The following PIK3C2G variants were observed in gnomAD, a reference collection of about 807,000 sequenced individuals.
PIK3C2G encodes the protein phosphatidylinositol 3-kinase C2 domain-containing subunit gamma.
A neutral mutation model predicts 181.1 loss-of-function variants in PIK3C2G; 168 were observed. That is an observed-to-expected ratio of 0.93 (90% confidence interval 0.82 to 1.05). The LOEUF is 1.05. Among genes scored for constraint, PIK3C2G ranks in the 50% least tolerant of loss-of-function variants. PIK3C2G has a pLI of 0.00. For synonymous variants in PIK3C2G, 573 were observed against 592.2 expected (o/e 0.97, Z 0.47); for missense variants, 1,869 against 1,732.8 (o/e 1.08, Z -1.40).
At chr12:18,723,475 G>A in the PIK3C2G span, 42 of 1,612,722 alleles carry the variant, frequency 2.6e-5, no homozygotes, top group African/African-American at 5.3e-5. Flanking sequence ...TTCTCTGTGC[G>A]TGATAATTCG....
chr12:18,580,707 T>C (rs1008809482), intron 29 of PIK3C2G, among the ~76,000 whole-genome samples: 1 of 152,324 alleles, frequency 6.6e-6, no homozygotes, highest in Middle Eastern at 3.4e-3. Flanking sequence ...ATGAATATAG[T>C]GGGTGGAACT....
chr12:18,305,505 A>G (rs10841014), intron 5 of PIK3C2G, among the ~76,000 whole-genome samples: 80,462 of 151,870 alleles, frequency 0.53, 21,685 homozygotes, highest in East Asian at 0.75. Flanking sequence ...CAGCTGTCAC[A>G]TTATTTTTGT....
At chr12:18,501,304 G>A (rs973506977) in intron 22 of PIK3C2G, among the ~76,000 whole-genome samples, 26 of 152,050 alleles carry the variant, frequency 1.7e-4, no homozygotes, top group Admixed American at 6.5e-4. Context: ...TTTTCACAAG[G>A]TGGCAGGAAA....
chr12:18,628,230 ATTATTG>A (rs1333628101), intron 31 of PIK3C2G, among the ~76,000 whole-genome samples: 1 of 152,192 alleles, frequency 6.6e-6, no homozygotes, highest in Non-Finnish European at 1.5e-5. Context: ...AATAGCTATT[ATTATTG>A]TTATTATTAC....
intron 15 of PIK3C2G, among the ~76,000 whole-genome samples, chr12:18,396,407 T>C (rs371236906): frequency 6.6e-6 from 1 of 151,710 alleles, no homozygotes; most frequent in East Asian, 1.9e-4. Flanking sequence ...GTTAGTATCA[T>C]GTTAAATCAT....
At chr12:18,524,655 T>G (rs1244536628) in intron 24 of PIK3C2G, among the ~76,000 whole-genome samples, 1 of 151,186 alleles carries the variant, frequency 6.6e-6, no homozygotes, top group East Asian at 2.0e-4. Flanking sequence ...AACCTCCGCC[T>G]CCCAGGTTCA....
At chr12:18,387,513 A>G (rs1943251652) in intron 14 of PIK3C2G, among the ~76,000 whole-genome samples, 1 of 152,132 alleles carries the variant, frequency 6.6e-6, no homozygotes, top group African/African-American at 2.4e-5. Flanking sequence ...TTCCCTGTCT[A>G]TAATGTGCCC....
At chr12:18,569,124 G>A (rs879589137) in intron 29 of PIK3C2G, among the ~76,000 whole-genome samples, 1 of 152,028 alleles carries the variant, frequency 6.6e-6, no homozygotes, top group African/African-American at 2.4e-5. Context: ...GACCCTTTAT[G>A]ACTTCCAAGA....
chr12:18,299,787 T>C (rs919480637), intron 5 of PIK3C2G, among the ~76,000 whole-genome samples: 4 of 152,038 alleles, frequency 2.6e-5, no homozygotes, highest in African/African-American at 7.2e-5. Context: ...CCTATTGAGA[T>C]GAGCATTTGG....
chr12:18,719,287 T>C, the PIK3C2G span: 11 of 448,190 alleles, frequency 2.5e-5, no homozygotes, highest in African/African-American at 2.2e-4. Flanking sequence ...TCAAGATATG[T>C]ACAAGTAAAA....
intron 1 of PIK3C2G, among the ~76,000 whole-genome samples, chr12:18,274,701 C>T (rs923728388): frequency 1.3e-5 from 2 of 151,956 alleles, no homozygotes; most frequent in Non-Finnish European, 2.9e-5. Flanking sequence ...ACACCTAATG[C>T]TAAATGATGA....
At chr12:18,662,072 T>C in the PIK3C2G span, among the ~76,000 whole-genome samples, 1 of 152,132 alleles carries the variant, frequency 6.6e-6, no homozygotes, top group East Asian at 1.9e-4. Context: ...AGGAACTAAA[T>C]CTTGAGTACA....
the PIK3C2G span, chr12:18,684,167 A>T: frequency 6.2e-7 from 1 of 1,612,162 alleles, no homozygotes; most frequent in Non-Finnish European, 8.5e-7. Flanking sequence ...TATATTGCCC[A>T]AGAAATTCAT....
At chr12:18,347,207 G>A (rs1285362794) in intron 11 of PIK3C2G, among the ~76,000 whole-genome samples, 1 of 150,724 alleles carries the variant, frequency 6.6e-6, no homozygotes, top group African/African-American at 2.4e-5. Context: ...CAGAGAGATA[G>A]AGAGTCTTTA....
At chr12:18,538,406 A>G (rs1943975157) in intron 25 of PIK3C2G, 94 bp downstream of exon 25, 1 of 1,050,598 alleles carries the variant, frequency 9.5e-7, no homozygotes, top group Non-Finnish European at 1.4e-6. Context: ...GAGTTCCCCA[A>G]GGAGCTATTC....
chr12:18,659,589 C>A, the PIK3C2G span, among the ~76,000 whole-genome samples: 1 of 151,718 alleles, frequency 6.6e-6, no homozygotes, highest in Non-Finnish European at 1.5e-5. Context: ...GAAAGGATAT[C>A]CACATTAGAA....
chr12:18,264,085 T>C (rs987194445), intron 1 of PIK3C2G, among the ~76,000 whole-genome samples: 9 of 152,148 alleles, frequency 5.9e-5, no homozygotes, highest in Non-Finnish European at 1.5e-5. Flanking sequence ...ATTCTTTGCT[T>C]CCTACCGGTA....
intron 5 of PIK3C2G, among the ~76,000 whole-genome samples, chr12:18,309,528 A>C (rs1445607233): frequency 4.6e-5 from 7 of 151,798 alleles, no homozygotes; most frequent in Non-Finnish European, 8.9e-5. Context: ...TCATGTAATA[A>C]AATTGTTTCA....
chr12:18,556,845 C>CT (rs1945039925), intron 26 of PIK3C2G, among the ~76,000 whole-genome samples: 2 of 152,040 alleles, frequency 1.3e-5, no homozygotes, highest in African/African-American at 4.8e-5. Context: ...CATATTTTAA[C>CT]TTTCTTAGCA....
Sources: allele counts gnomAD v4.1 joint callset (sites outside exome capture counted in the v4.1 genomes callset), GRCh38; gene constraint gnomAD v4.1.1; transcripts MANE v1.5; gene names NCBI Gene and HGNC (gene_info 2026-07-23, HGNC 2026-07-21).